Variants in FREM2 observed in about 807,000 individuals in gnomAD.
The protein encoded by FREM2 is FRAS1 related extracellular matrix 2.
FREM2 carries 119 observed loss-of-function variants against 219.9 expected under a neutral mutation model. That is an observed-to-expected ratio of 0.54 (90% CI 0.47 to 0.63). FREM2 has a LOEUF of 0.63. Among genes scored for constraint, FREM2 ranks in the 30% least tolerant of loss-of-function variants. The pLI is 0.00. For synonymous variants in FREM2, 1,562 were observed against 1,522.8 expected (o/e 1.03, Z -0.60); for missense variants, 4,030 against 3,993.6 (o/e 1.01, Z -0.25).
At chr13:38,697,188 T>C (rs1202033452) in intron 1 of FREM2, among the ~76,000 whole-genome samples, 1 of 152,178 alleles carries the variant, frequency 6.6e-6, no homozygotes, top group Non-Finnish European at 1.5e-5. Flanking sequence ...TATCATCTTA[T>C]TTTTTTCTCT....
intron 4 of FREM2, among the ~76,000 whole-genome samples, chr13:38,777,510 C>T (rs541728911): frequency 1.3e-5 from 2 of 152,222 alleles, no homozygotes; most frequent in African/African-American, 4.8e-5. Context: ...ACGTGTGCCT[C>T]AGAGGTAAAG....
rs1396242433 is a variant in FREM2, at chr13:38,880,539, C to T, written c.9262C>T (p.Pro3088Ser). The T allele has an allele frequency of 1.2e-6, 2 of 1,614,038 alleles. No homozygotes were observed. The highest frequency in any genetic ancestry group is 1.7e-6 in the Non-Finnish European group (2 of 1,180,038). The change falls in exon 24 of 24, where the codon CCC becomes TCC. Residue 3088 changes from proline to serine, a missense_variant. Physicochemically the swap from Pro to Ser is moderately conservative, Grantham distance 74 (BLOSUM62 -1). This residue lies in a region of FREM2 where 928 missense variants were observed against 1,042.9 expected (regional missense o/e 0.89). Coordinates refer to ENST00000280481, the MANE Select transcript of FREM2 (RefSeq NM_207361.6). Reference protein sequence around the residue: ...IALDRTKRQIPHGRAPPDGIL... With the variant: ...IALDRTKRQISHGRAPPDGIL... ...CCTGGACCGCACCAAGAGGCAGATCCCCCATGGGAGAGCACCTCCAGATGG... is the reference window on the plus strand; with the variant it reads ...CCTGGACCGCACCAAGAGGCAGATCTCCCATGGGAGAGCACCTCCAGATGG...
Position 38,784,575 on chromosome 13 carries a change from T to C in FREM2, c.5786T>C (p.Val1929Ala). 6.2e-7 allele frequency: 1 copy of C among 1,614,184 alleles called. No individual in the cohort carries two copies. Among genetic ancestry groups the C allele is most frequent in the African/African-American group, 1.3e-5 (1 of 75,068 alleles). The change falls in exon 6 of 24, where the codon GTG becomes GCG. Residue 1929 changes from valine to alanine, a missense_variant. By Grantham distance (64) the Val-to-Ala change is moderately conservative (BLOSUM62 0). Coordinates refer to ENST00000280481, the MANE Select transcript of FREM2 (RefSeq NM_207361.6). ...CTTCCAGGAACAGCAACTGGAACTG[T>C]GCCGACTTCCGTGTTGTCTTACTCT... ...YTQQGTATGT[V>A]PTSVLSYSDY... is the part of the protein sequence containing the mutation.
At chr13:38,759,713 A>G (rs745795749) in intron 2 of FREM2, among the ~76,000 whole-genome samples, 4 of 152,238 alleles carry the variant, frequency 2.6e-5, no homozygotes, top group Non-Finnish European at 5.9e-5. Context: ...AATCTATTTT[A>G]GAAAGGCAAC....
At chr13:38,838,136 C>T (rs973095234) in intron 6 of FREM2, among the ~76,000 whole-genome samples, 1 of 152,090 alleles carries the variant, frequency 6.6e-6, no homozygotes, top group Non-Finnish European at 1.5e-5. Context: ...CCTTCAGGAG[C>T]TCCGGTAAGG....
intron 21 of FREM2, 56 bp from the exon 22 acceptor site, chr13:38,878,078 C>T (rs1878405251): frequency 7.2e-7 from 1 of 1,394,020 alleles, no homozygotes; most frequent in Non-Finnish European, 1.0e-6. Context: ...TTTACAGTGT[C>T]ACGTTGATAT....
At chr13:38,844,970 C>G (rs1417411876) in intron 6 of FREM2, among the ~76,000 whole-genome samples, 2 of 152,172 alleles carry the variant, frequency 1.3e-5, no homozygotes, top group Non-Finnish European at 2.9e-5. Context: ...CTGAGGTTAA[C>G]AGATAACACC....
intron 13 of FREM2, 144 bp downstream of exon 13, chr13:38,858,177 C>T: frequency 2.7e-6 from 2 of 732,914 alleles, no homozygotes; most frequent in Middle Eastern, 7.6e-4. Flanking sequence ...GCATATATAA[C>T]ACTAATCAAA....
intron 4 of FREM2, among the ~76,000 whole-genome samples, 166 bp downstream of exon 4, chr13:38,769,974 G>A (rs1873594342): frequency 6.6e-6 from 1 of 150,946 alleles, no homozygotes; most frequent in Admixed American, 6.6e-5. Context: ...CAGGAAAATG[G>A]AAACTAAAAA....
In FREM2 at chr13:38,691,808, T is replaced by C. The variant is rs1024874577; in HGVS notation, c.4464T>C (p.Ala1488=). Residue 1488 remains alanine, a synonymous_variant, in exon 1 of 24, where the codon GCT becomes GCC. Transcript: ENST00000280481. ...SITSFTQLQL[A]GNKIYYIHTA... ...CGTCTTTCACTCAGCTGCAACTGGC[T>C]GGAAACAAAATCTACTACATCCACA... is the stretch of plus-strand genomic sequence containing the variant. 4 of 1,614,068 alleles carry C rather than the reference T, an allele frequency of 2.5e-6. No individual in the cohort carries two copies. Among genetic ancestry groups the C allele is most frequent in the Non-Finnish European group, 2.5e-6 (3 of 1,180,042 alleles).
rs921500573 is a variant in FREM2, at chr13:38,854,774, TAA to T, written c.6926-1350_6926-1349del. ...AGAAAAAGAAAAAAATCTTTAAAGA[TAA>T]AGAGAAGAAAATTGCTCCTCGTACC... On this transcript the variant is annotated intron_variant, in intron 11 of 23. Transcript: ENST00000280481. 2.3e-4 allele frequency among the ~76,000 whole-genome samples: 35 copies of T among 152,192 alleles called. 1 individual carries two copies. The highest frequency in any genetic ancestry group is 8.2e-4 in the African/African-American group (34 of 41,558).
chr13:38,877,089 A>G (rs1408169005), intron 20 of FREM2, 28 bp from the exon 21 acceptor site: 1 of 1,613,826 alleles, frequency 6.2e-7, no homozygotes. Flanking sequence ...CCACTGATGC[A>G]TAAAAGAACT....
At chr13:38,742,988 G>A (rs1243954853) in intron 2 of FREM2, among the ~76,000 whole-genome samples, 1 of 152,136 alleles carries the variant, frequency 6.6e-6, no homozygotes, top group African/African-American at 2.4e-5. Context: ...CACTTTATGG[G>A]TCTAAAACTC....
intron 6 of FREM2, among the ~76,000 whole-genome samples, chr13:38,803,593 A>G (rs111259346): frequency 0.021 from 3,142 of 151,922 alleles, 53 homozygotes; most frequent in Middle Eastern, 0.058. Context: ...GTATTAAGTC[A>G]GTGTTAACAA....
Position 38,728,157 on chromosome 13 carries a change from A to G in FREM2, c.5263+30370A>G, listed in dbSNP as rs984022841. Reference sequence around the variant, plus strand: ...TTGCCGTGTTCAGCACCCAACACCAATATCATAAACAATGTGGAGTATTTT... The same window carrying G: ...TTGCCGTGTTCAGCACCCAACACCAGTATCATAAACAATGTGGAGTATTTT... On this transcript the variant is annotated intron_variant, in intron 2 of 23. Transcript: ENST00000280481. 5.9e-5 allele frequency among the ~76,000 whole-genome samples: 9 copies of G among 151,974 alleles called. No homozygotes were observed. The East Asian group carries it at 1.7e-3, about 29-fold the overall frequency.
At chr13:38,732,975 T>C (rs1427706244) in intron 2 of FREM2, among the ~76,000 whole-genome samples, 1 of 152,174 alleles carries the variant, frequency 6.6e-6, no homozygotes, top group Non-Finnish European at 1.5e-5. Context: ...GTGGAAATGA[T>C]ACCAGAAGAG....
chr13:38,760,742 T>TGATGCAATA (rs1390404961), intron 2 of FREM2, among the ~76,000 whole-genome samples: 1 of 152,154 alleles, frequency 6.6e-6, no homozygotes, highest in African/African-American at 2.4e-5. Flanking sequence ...AGTTTCTAAT[T>TGATGCAATA]GATGCAATAG....
chr13:38,804,995 T>C (rs1439977888), intron 6 of FREM2, among the ~76,000 whole-genome samples: 1 of 152,188 alleles, frequency 6.6e-6, no homozygotes, highest in Non-Finnish European at 1.5e-5. Flanking sequence ...AGCATGAGCA[T>C]ATTTTTACCT....
chr13:38,746,189 G>A lies in FREM2; in HGVS notation c.5264-18115G>A, dbSNP rs370726458. Among the ~76,000 whole-genome samples, 3 of 152,084 alleles carry A rather than the reference G, an allele frequency of 2.0e-5. No homozygotes were observed. The South Asian group carries it at 6.2e-4, about 32-fold the overall frequency. On this transcript the variant is annotated intron_variant, in intron 2 of 23. Coordinates refer to ENST00000280481, the MANE Select transcript of FREM2 (RefSeq NM_207361.6). ...TGCTAAGTAGGAACTCTAAACATAG[G>A]CTCGATAACTGTGAACTCTTTTTCT...
Sources: allele counts gnomAD v4.1 joint callset (sites outside exome capture counted in the v4.1 genomes callset), GRCh38; gene constraint gnomAD v4.1.1; regional missense constraint gnomAD v4.1.1; transcripts MANE v1.5; gene names NCBI Gene and HGNC (gene_info 2026-07-23, HGNC 2026-07-21).